KRT79: variants seen among roughly 807,000 people sequenced by gnomAD.
The protein encoded by KRT79 is keratin 79.
KRT79 carries 51 observed loss-of-function variants against 49.0 expected under a neutral mutation model. That is an observed-to-expected ratio of 1.04 (90% CI 0.83 to 1.31). KRT79 has a LOEUF of 1.31. Among genes scored for constraint, KRT79 ranks in the 40% most tolerant of loss-of-function variants. KRT79 has a pLI of 0.00. For missense variants in KRT79, 728 were observed against 688.0 expected (o/e 1.06, Z -0.65); for synonymous variants, 312 against 286.6 (o/e 1.09, Z -0.90).
intron 1 of KRT79, 105 bp downstream of exon 1, chr12:52,833,679 C>T: frequency 1.1e-6 from 1 of 918,388 alleles, no homozygotes; most frequent in Non-Finnish European, 1.8e-6. Flanking sequence ...CTATCAACCA[C>T]CACCCTAGTA....
At chr12:52,826,166 T>C (rs952164509) in intron 4 of KRT79, among the ~76,000 whole-genome samples, 26 of 152,072 alleles carry the variant, frequency 1.7e-4, no homozygotes, top group Admixed American at 1.6e-3. Context: ...CCGAAACTTT[T>C]AAGACAAGGA....
intron 4 of KRT79, among the ~76,000 whole-genome samples, chr12:52,827,349 G>A (rs898934855): frequency 6.6e-6 from 1 of 152,016 alleles, no homozygotes; most frequent in African/African-American, 2.4e-5. Flanking sequence ...CTCAGTAAAT[G>A]TTTGTTAAAT....
chr12:52,831,093 G>A (rs1458660244), intron 2 of KRT79, among the ~76,000 whole-genome samples: 2 of 152,190 alleles, frequency 1.3e-5, no homozygotes, highest in African/African-American at 4.8e-5. Context: ...AGACTACACG[G>A]GAAGAAGGGA....
At position 52,821,766 on chromosome 12, in the gene KRT79, AG is replaced by A; in HGVS notation, c.*105del. 1 of 971,698 alleles carries A rather than the reference AG, an allele frequency of 1.0e-6. No homozygotes were observed. 60.2% of individuals were successfully genotyped at this position (971,698 alleles called of 1,614,324 possible). On this transcript the variant is annotated 3_prime_UTR_variant, in exon 9 of 9. Transcript: ENST00000330553. ...CTGGTATGAAAATACCCTGGGTCTG[AG>A]GTCCCCTGGCTGTTCCTGCTCCTGA...
rs947703475 is a variant in KRT79 at position 52,821,727 on chromosome 12, A to T, written c.*145T>A. 1 of 707,040 alleles carries T rather than the reference A, an allele frequency of 1.4e-6. No individual in the cohort carries two copies. The allele number at this position is 707,040 out of a possible 1,614,324, so 43.8% of individuals were successfully genotyped here. A position where few individuals can be genotyped will look rare whatever the true frequency, so the allele number is the denominator to read the frequency against. On this transcript the variant is annotated 3_prime_UTR_variant, in exon 9 of 9. Transcript: ENST00000330553. ...ACCTGAGTAGATTTGAGCGCTTCCC[A>T]AGATGCAAATAGTCTGGTATGAAAA...
In KRT79 at chr12:52,823,166, T is replaced by C. The variant is rs73102423; in HGVS notation, c.1217A>G (p.Lys406Arg). ...RGELALKDAQ[K>R]KLGDLDVALH... ...GGCCACATCCAGATCCCCAAGCTTC[T>C]TCTGAGCATCCTTGAGTGCCAGCTC... Residue 406 changes from lysine (K) to arginine (R), a missense_variant, in exon 7 of 9, where the codon AAG becomes AGG. Lys to Arg is a conservative substitution (Grantham distance 26, BLOSUM62 2). Transcript: ENST00000330553. 0.044 allele frequency: 71,295 copies of C among 1,614,166 alleles called. 1,915 individuals carry two copies. Among genetic ancestry groups the C allele is most frequent in the African/African-American group, 0.11 (8,016 of 75,020 alleles).
At chr12:52,830,908 T>C (rs1161194764) in intron 2 of KRT79, among the ~76,000 whole-genome samples, 2 of 152,224 alleles carry the variant, frequency 1.3e-5, no homozygotes, top group Non-Finnish European at 2.9e-5. Flanking sequence ...TAAAATTTTT[T>C]AGGTGTGATT....
In KRT79 at chr12:52,823,875, G is replaced by A. The variant is rs763523390; in HGVS notation, c.1146+12C>T. On this transcript the variant is annotated intron_variant, in intron 6 of 8. Coordinates refer to ENST00000330553, the MANE Select transcript of KRT79 (RefSeq NM_175834.3). ...CCTAGGCCAGACCCCCAAGCCCCCA[G>A]TAGAGTCCCACCTGCTTCTTGGCTG... 9.3e-6 allele frequency: 15 copies of A among 1,611,518 alleles called. No homozygotes were observed. The South Asian group carries it at 1.6e-4, about 18-fold the overall frequency.
Position 52,824,291 on chromosome 12 carries a change from C to G in KRT79, c.927G>C (p.Leu309=). Residue 309 remains leucine (L), a synonymous_variant, in exon 5 of 9, where the codon CTG becomes CTC. Transcript: ENST00000330553. ...VVLSMDNNRN[L]DLDSIIAEVK... is the part of the protein sequence containing the mutation. ...CCTCGGCGATGATGCTGTCCAGGTCCAGGTTGCGGTTGTTGTCCATGGACA... is the reference window on the plus strand; with the variant it reads ...CCTCGGCGATGATGCTGTCCAGGTCGAGGTTGCGGTTGTTGTCCATGGACA... The G allele has an allele frequency of 6.2e-7, 1 of 1,614,228 alleles. No individual in the cohort carries two copies. Among genetic ancestry groups the G allele is most frequent in the Non-Finnish European group, 8.5e-7 (1 of 1,180,042 alleles).
At chr12:52,822,729 T>C (rs1323008968) in intron 7 of KRT79, among the ~76,000 whole-genome samples, 1 of 151,924 alleles carries the variant, frequency 6.6e-6, no homozygotes, top group Non-Finnish European at 1.5e-5. Context: ...AGGACAGAGA[T>C]GGTGGATTTT....
intron 4 of KRT79, among the ~76,000 whole-genome samples, chr12:52,826,265 G>A (rs1437062741): frequency 6.6e-6 from 1 of 152,144 alleles, no homozygotes; most frequent in African/African-American, 2.4e-5. Context: ...GTCAGGCTTG[G>A]CCAGGTGCAG....
intron 4 of KRT79, among the ~76,000 whole-genome samples, chr12:52,828,659 GA>G (rs1236583752): frequency 6.6e-6 from 1 of 152,318 alleles, no homozygotes; most frequent in African/African-American, 2.4e-5. Context: ...GAGGAGAGTA[GA>G]TACATGTCTC....
At chr12:52,827,842 A>G (rs1051518595) in intron 4 of KRT79, among the ~76,000 whole-genome samples, 2 of 152,190 alleles carry the variant, frequency 1.3e-5, no homozygotes, top group South Asian at 2.1e-4. Context: ...TTGAGAGGAA[A>G]TGGGAACCCA....
rs754719555 is a variant in KRT79, at chr12:52,834,017, C to T, written c.244G>A (p.Gly82Arg). ...AAGCCAAAGCCCCCCAGAGCCCGCCCCAACAAGGCCCCTCCGGCCACACTG... is the reference window on the plus strand; with the variant it reads ...AAGCCAAAGCCCCCCAGAGCCCGCCTCAACAAGGCCCCTCCGGCCACACTG... ...SVSVAGGALL[G>R]RALGGFGFGS... Residue 82 changes from glycine to arginine, a missense_variant, in exon 1 of 9, where the codon GGG (glycine) becomes AGG (arginine). Physicochemically the swap from Gly to Arg is moderately radical, Grantham distance 125 (BLOSUM62 -2). Transcript: ENST00000330553. 3 of 1,612,720 alleles carry T rather than the reference C, an allele frequency of 1.9e-6. No individual in the cohort carries two copies. Among genetic ancestry groups the T allele is most frequent in the Non-Finnish European group, 2.5e-6 (3 of 1,179,314 alleles).
chr12:52,825,327 C>T (rs1940161815), intron 4 of KRT79, among the ~76,000 whole-genome samples: 1 of 152,228 alleles, frequency 6.6e-6, no homozygotes, highest in South Asian at 2.1e-4. Flanking sequence ...CATCCTTTCT[C>T]AAACACTGGC....
intron 4 of KRT79, among the ~76,000 whole-genome samples, chr12:52,827,453 G>A (rs1430799420): frequency 6.6e-6 from 1 of 152,204 alleles, no homozygotes; most frequent in African/African-American, 2.4e-5. Context: ...GAAAAGAGGG[G>A]GAGAGAGAAT....
At chr12:52,822,201 G>A in intron 8 of KRT79, 124 bp from the exon 9 acceptor site, 1 of 1,281,974 alleles carries the variant, frequency 7.8e-7, no homozygotes, top group Non-Finnish European at 1.1e-6. Context: ...GGATAGAGAA[G>A]CCCAGAACTA....
At chr12:52,827,234 G>A (rs938758512) in intron 4 of KRT79, among the ~76,000 whole-genome samples, 7 of 82,610 alleles carry the variant, frequency 8.5e-5, no homozygotes, top group South Asian at 4.4e-4. Flanking sequence ...CAGCCATGGC[G>A]TCCCATGTGC....
At chr12:52,829,856 A>G (rs551111101) in intron 4 of KRT79, among the ~76,000 whole-genome samples, 167 bp downstream of exon 4, 1 of 151,974 alleles carries the variant, frequency 6.6e-6, no homozygotes, top group Non-Finnish European at 1.5e-5. Context: ...GTGCCACTAC[A>G]CTCCAGCCTG....
Sources: allele counts gnomAD v4.1 joint callset (sites outside exome capture counted in the v4.1 genomes callset), GRCh38; gene constraint gnomAD v4.1.1; transcripts MANE v1.5; gene names NCBI Gene and HGNC (gene_info 2026-07-23, HGNC 2026-07-21).